FAT3: variants seen among roughly 807,000 people sequenced by gnomAD.
The protein encoded by FAT3 is FAT atypical cadherin 3.
FAT3 carries 95 observed loss-of-function variants against 310.2 expected under a neutral mutation model. That is an observed-to-expected ratio of 0.31 (90% CI 0.26 to 0.36). The LOEUF (loss-of-function observed/expected upper bound fraction) is 0.36. Ranked by LOEUF, FAT3 falls within the 10% of genes least tolerant of loss-of-function variation. FAT3 has a pLI of 1.00. For missense variants in FAT3, 5,408 were observed against 5,715.6 expected (o/e 0.95, Z 1.74); for synonymous variants, 2,314 against 2,192.9 (o/e 1.06, Z -1.54).
chr11:92,324,652 A>G (rs1306310687), intron 1 of FAT3, among the ~76,000 whole-genome samples: 1 of 152,210 alleles, frequency 6.6e-6, no homozygotes, highest in Non-Finnish European at 1.5e-5. Flanking sequence ...ATATTCTGAA[A>G]TGTGACATAG....
At chr11:92,728,613 T>G (rs1945073105) in intron 4 of FAT3, among the ~76,000 whole-genome samples, 1 of 152,186 alleles carries the variant, frequency 6.6e-6, no homozygotes, top group Non-Finnish European at 1.5e-5. Flanking sequence ...AAGAATTTAT[T>G]CTCTCAGAGT....
Position 92,790,077 on chromosome 11 carries a change from G to C in FAT3, c.4470G>C (p.Lys1490Asn). ...LQIEATDRDE[K>N]HKLSYTVHSS... ...TTGAAGCCACAGATAGAGATGAGAA[G>C]CACAAGCTGAGCTACACTGTTCATA... Residue 1490 changes from lysine (K) to asparagine (N), a missense_variant, in exon 8 of 28, where the codon AAG becomes AAC. Transcript: ENST00000525166. The C allele has an allele frequency of 2.5e-6, 4 of 1,613,820 alleles. No homozygotes were observed. Among genetic ancestry groups the C allele is most frequent in the Non-Finnish European group, 3.4e-6 (4 of 1,179,764 alleles).
At chr11:92,235,912 G>T (rs775311278) in intron 1 of FAT3, among the ~76,000 whole-genome samples, 19 of 152,216 alleles carry the variant, frequency 1.2e-4, no homozygotes, top group Non-Finnish European at 2.2e-4. Flanking sequence ...TATGATAAGG[G>T]TGTTATGTAC....
chr11:92,366,524 G>A (rs569643443), intron 2 of FAT3: 21 of 481,600 alleles, frequency 4.4e-5, no homozygotes, highest in African/African-American at 2.7e-4. Context: ...CTCGGCAGCC[G>A]CAGCTTCCAT....
At chr11:92,748,449 C>G (rs1233524952) in intron 4 of FAT3, among the ~76,000 whole-genome samples, 2 of 152,132 alleles carry the variant, frequency 1.3e-5, no homozygotes. Context: ...TTCTTTCTTC[C>G]TTAATTCTCT....
intron 1 of FAT3, among the ~76,000 whole-genome samples, chr11:92,285,332 A>G (rs1946533730): frequency 2.0e-5 from 3 of 152,184 alleles, no homozygotes; most frequent in Admixed American, 1.3e-4. Context: ...TGGTAAGGAC[A>G]AGCTATTACT....
intron 3 of FAT3, among the ~76,000 whole-genome samples, chr11:92,571,881 A>G (rs897498287): frequency 5.3e-5 from 8 of 152,146 alleles, no homozygotes; most frequent in African/African-American, 1.7e-4. Context: ...TTGGGTGCCT[A>G]TGCAAGGGCA....
At chr11:92,705,854 A>T (rs368310133) in intron 4 of FAT3, among the ~76,000 whole-genome samples, 19 of 21,074 alleles carry the variant, frequency 9.0e-4, no homozygotes, top group Admixed American at 5.2e-3. Context: ...TGATGGTGGT[A>T]GTGATGGTGG....
intron 1 of FAT3, among the ~76,000 whole-genome samples, chr11:92,274,520 C>T (rs1000377804): frequency 6.6e-6 from 1 of 151,968 alleles, no homozygotes; most frequent in Non-Finnish European, 1.5e-5. Flanking sequence ...TTCTTTTCAA[C>T]TCTTGTCTTC....
At chr11:92,398,258 T>C (rs1461606510) in intron 2 of FAT3, among the ~76,000 whole-genome samples, 2 of 152,064 alleles carry the variant, frequency 1.3e-5, no homozygotes, top group African/African-American at 4.8e-5. Context: ...CCAAGCACTT[T>C]GGGAGGCTGA....
chr11:92,486,760 C>G (rs1447355173), intron 2 of FAT3, among the ~76,000 whole-genome samples: 1 of 152,146 alleles, frequency 6.6e-6, no homozygotes, highest in Non-Finnish European at 1.5e-5. Flanking sequence ...TTTTTCTGAA[C>G]ACAACAGCTT....
At chr11:92,293,223 A>C (rs1208069668) in intron 1 of FAT3, among the ~76,000 whole-genome samples, 1 of 151,576 alleles carries the variant, frequency 6.6e-6, no homozygotes, top group Non-Finnish European at 1.5e-5. Context: ...TAGAAGGCAG[A>C]AATGAAGGGG....
intron 1 of FAT3, among the ~76,000 whole-genome samples, chr11:92,340,444 G>A (rs767370792): frequency 2.6e-5 from 4 of 152,142 alleles, no homozygotes; most frequent in Non-Finnish European, 5.9e-5. Flanking sequence ...TGTCTCCACG[G>A]CCTTAACTGT....
intron 3 of FAT3, among the ~76,000 whole-genome samples, chr11:92,577,031 C>T (rs928777538): frequency 6.6e-6 from 1 of 151,974 alleles, no homozygotes; most frequent in East Asian, 1.9e-4. Flanking sequence ...ATCATTCATT[C>T]ATTCATTCAT....
chr11:92,323,585 C>CTTT (rs1206086265), intron 1 of FAT3, among the ~76,000 whole-genome samples: 3 of 133,840 alleles, frequency 2.2e-5, no homozygotes, highest in Non-Finnish European at 4.9e-5. Context: ...CTTTTTTTTT[C>CTTT]TTTTTTTTTT....
intron 19 of FAT3, among the ~76,000 whole-genome samples, chr11:92,846,045 T>G (rs973059971): frequency 6.6e-6 from 1 of 152,186 alleles, no homozygotes; most frequent in African/African-American, 2.4e-5. Context: ...CTAGGTGAAA[T>G]GCATTTCTGG....
At chr11:92,247,131 T>TG (rs1333528319) in intron 1 of FAT3, among the ~76,000 whole-genome samples, 1 of 151,994 alleles carries the variant, frequency 6.6e-6, no homozygotes, top group Non-Finnish European at 1.5e-5. Context: ...GACAAGGGTC[T>TG]GGGGTGTGGC....
chr11:92,325,587 T>C (rs1282657260), intron 1 of FAT3, among the ~76,000 whole-genome samples: 2 of 152,196 alleles, frequency 1.3e-5, no homozygotes, highest in Non-Finnish European at 2.9e-5. Context: ...TGCTTTGGAA[T>C]GCAGGACTTT....
intron 1 of FAT3, among the ~76,000 whole-genome samples, chr11:92,237,554 T>C (rs1187169): frequency 0.63 from 96,487 of 152,030 alleles, 32,719 homozygotes; most frequent in African/African-American, 0.87. Context: ...TTATACCACT[T>C]TGGAGTTACC....
Sources: allele counts gnomAD v4.1 joint callset (sites outside exome capture counted in the v4.1 genomes callset), GRCh38; gene constraint gnomAD v4.1.1; transcripts MANE v1.5; gene names NCBI Gene and HGNC (gene_info 2026-07-23, HGNC 2026-07-21).